DNM1L: variants seen among roughly 807,000 people sequenced by gnomAD.
DNM1L encodes dynamin 1L.
In DNM1L, 33 loss-of-function variants were observed where a neutral mutation model predicts 92.8. The observed-to-expected ratio is 0.36, with a 90% CI of 0.27 to 0.48. DNM1L has a LOEUF of 0.48. Among genes scored for constraint, DNM1L ranks in the 20% least tolerant of loss-of-function variants. The pLI is 0.99. For missense variants in DNM1L, 485 were observed against 888.8 expected, an observed-to-expected ratio of 0.55 and a Z score of 5.78; for synonymous variants, 284 against 305.0, an observed-to-expected ratio of 0.93 and a Z score of 0.72.
At chr12:32,711,179 G>A (rs1953110684) in intron 5 of DNM1L, 164 bp downstream of exon 5, 1 of 655,394 alleles carries the variant, frequency 1.5e-6, no homozygotes, top group African/African-American at 1.8e-5. Flanking sequence ...TTGGCTTCCA[G>A]GATACCACAC....
At chr12:32,719,254 G>A (rs1225165025) in intron 7 of DNM1L, among the ~76,000 whole-genome samples, 3 of 152,152 alleles carry the variant, frequency 2.0e-5, no homozygotes, top group Non-Finnish European at 4.4e-5. Flanking sequence ...CTGCCCCATA[G>A]ACATTTTTAC....
intron 7 of DNM1L, among the ~76,000 whole-genome samples, 188 bp downstream of exon 7, chr12:32,718,951 AG>A (rs1419660111): frequency 6.8e-6 from 1 of 147,646 alleles, no homozygotes; most frequent in African/African-American, 2.6e-5. Context: ...GAAAAGAGAG[AG>A]AATTTTTTTT....
At chr12:32,734,706 G>A (rs1248713196) in intron 13 of DNM1L, among the ~76,000 whole-genome samples, 1 of 152,186 alleles carries the variant, frequency 6.6e-6, no homozygotes, top group Non-Finnish European at 1.5e-5. Flanking sequence ...TACTAGGGAG[G>A]CTGAGGCAGG....
At chr12:32,725,387 T>G (rs1254407150) in intron 9 of DNM1L, 1 of 152,224 alleles carries the variant, frequency 6.6e-6, no homozygotes, top group Non-Finnish European at 1.5e-5. Context: ...AAAAGATGCT[T>G]AGTTAATGGA....
intron 9 of DNM1L, chr12:32,726,813 A>C (rs1954180010): frequency 3.2e-6 from 2 of 622,940 alleles, no homozygotes; most frequent in East Asian, 2.7e-5. Context: ...TTGTCCATCA[A>C]AGGAAAAGTG....
At chr12:32,736,067 C>CTTTT (rs773591822) in intron 13 of DNM1L, among the ~76,000 whole-genome samples, 5 of 113,042 alleles carry the variant, frequency 4.4e-5, no homozygotes, top group East Asian at 2.6e-4. Flanking sequence ...TCTTCATAAT[C>CTTTT]TTTTTTTTTT....
intron 6 of DNM1L, among the ~76,000 whole-genome samples, chr12:32,716,196 C>G (rs545776792): frequency 9.3e-4 from 139 of 149,654 alleles, no homozygotes; most frequent in Non-Finnish European, 1.9e-3. Flanking sequence ...AAAGGCAAAA[C>G]TAGGAATGGA....
Position 32,717,835 on chromosome 12 carries a change from T to TATAAA in DNM1L, c.620-807_620-806insTAAAA. ...TATACTATAAAATATATATAGTATA[T>TATAAA]ACTATATATATTTTATAAATATACT... On this transcript the variant is annotated intron_variant, in intron 6 of 19. Transcript: ENST00000549701. Among the ~76,000 whole-genome samples, 2 of 110,700 alleles carry TATAAA rather than the reference T, an allele frequency of 1.8e-5. 1 individual carries two copies. Among genetic ancestry groups the TATAAA allele is most frequent in the Non-Finnish European group, 3.4e-5 (2 of 58,818 alleles). The allele number at this position is 110,700 out of a possible 152,430, so 72.6% of individuals were successfully genotyped here.
At position 32,740,116 on chromosome 12, in the gene DNM1L, G is replaced by C; in HGVS notation, c.1760G>C (p.Gly587Ala). The change falls in exon 17 of 20, where the codon GGC becomes GCC. Residue 587 changes from glycine (G) to alanine (A), a missense_variant. Physicochemically the swap from Gly to Ala is moderately conservative, Grantham distance 60. Around this residue, in one of 11 missense-constraint regions of DNM1L, gnomAD observed 133 missense variants for 210.9 expected, o/e 0.63. Transcript: ENST00000549701. ...VGDGVQEPTT[G>A]NWRGMLKTSK... ...GATGGTGTTCAAGAACCAACCACAG[G>C]CAACTGGAGAGGAATGCTGAAAACT... is the stretch of plus-strand genomic sequence containing the variant. The C allele has an allele frequency of 6.2e-7, 1 of 1,614,192 alleles. No individual in the cohort carries two copies. The highest frequency in any genetic ancestry group is 8.5e-7 in the Non-Finnish European group (1 of 1,180,034).
At chr12:32,740,302 T>TA in intron 17 of DNM1L, 62 bp downstream of exon 17, 1 of 1,612,660 alleles carries the variant, frequency 6.2e-7, no homozygotes, top group Non-Finnish European at 8.5e-7. Flanking sequence ...GGAAAACGAT[T>TA]AGACAGAAAG....
chr12:32,715,778 G>A (rs575201107), intron 6 of DNM1L, among the ~76,000 whole-genome samples: 1 of 152,124 alleles, frequency 6.6e-6, no homozygotes, highest in Non-Finnish European at 1.5e-5. Flanking sequence ...AGGTAAAATT[G>A]TACACTATGC....
intron 4 of DNM1L, among the ~76,000 whole-genome samples, chr12:32,710,047 CAG>C (rs150583210): frequency 0.01 from 1,554 of 152,212 alleles, 34 homozygotes; most frequent in African/African-American, 0.035. Flanking sequence ...TGTACAAAGA[CAG>C]GGTATAAACA....
intron 9 of DNM1L, chr12:32,728,748 A>T (rs1263345449): frequency 6.6e-6 from 1 of 152,222 alleles, no homozygotes; most frequent in African/African-American, 2.4e-5. Context: ...GTGATGGGAC[A>T]TAATAGGAGA....
chr12:32,714,016 GATGT>G (rs1953249994), intron 6 of DNM1L, among the ~76,000 whole-genome samples: 1 of 152,132 alleles, frequency 6.6e-6, no homozygotes, highest in Admixed American at 6.6e-5. Flanking sequence ...CTTGACTAAT[GATGT>G]AGTGCACATC....
chr12:32,732,738 A>G (rs1334960239), intron 12 of DNM1L: 4 of 366,644 alleles, frequency 1.1e-5, no homozygotes, highest in Admixed American at 1.1e-4. Flanking sequence ...TTCTGGACTG[A>G]TAAGTGCTGT....
chr12:32,695,074 A>G (rs1262741407), intron 1 of DNM1L, among the ~76,000 whole-genome samples: 1 of 152,202 alleles, frequency 6.6e-6, no homozygotes, highest in East Asian at 1.9e-4. Flanking sequence ...TATCCTCTGA[A>G]GAATACAGAC....
intron 1 of DNM1L, among the ~76,000 whole-genome samples, chr12:32,680,889 A>G (rs995700409): frequency 8.5e-5 from 13 of 152,236 alleles, no homozygotes; most frequent in Non-Finnish European, 1.6e-4. Flanking sequence ...TAAGTGATTC[A>G]GAAGTGTCTT....
At chr12:32,738,405 CTG>C (rs1955052281) in intron 16 of DNM1L, 109 bp downstream of exon 16, 7 of 1,222,814 alleles carry the variant, frequency 5.7e-6, no homozygotes, top group Non-Finnish European at 8.4e-6. Context: ...TATCTCTTGT[CTG>C]TGTTATGTTC....
intron 6 of DNM1L, among the ~76,000 whole-genome samples, chr12:32,713,712 A>T (rs1953232721): frequency 6.6e-6 from 1 of 152,048 alleles, no homozygotes; most frequent in South Asian, 2.1e-4. Flanking sequence ...AGGTGTGGTC[A>T]CATGTGCCTG....
Sources: gnomAD v4.1 joint callset for allele counts (sites outside exome capture counted in the v4.1 genomes callset) on GRCh38, gnomAD v4.1.1 for gene constraint, gnomAD v4.1.1 regional missense constraint, MANE v1.5 for transcripts, NCBI Gene and HGNC (gene_info 2026-07-23, HGNC 2026-07-21) for gene names.